The following CLEC18A variants were observed in gnomAD, a reference collection of about 807,000 sequenced individuals.
The protein encoded by CLEC18A is C-type lectin domain family 18 member A.
A neutral mutation model predicts 24.0 loss-of-function variants in CLEC18A; 5 were observed. That is an observed-to-expected ratio of 0.21 (90% CI 0.11 to 0.44). CLEC18A has a LOEUF of 0.44. Ranked by LOEUF, CLEC18A falls within the 20% of genes least tolerant of loss-of-function variation. The pLI is 0.99. For missense variants in CLEC18A, 83 were observed against 233.4 expected, an observed-to-expected ratio of 0.36 and a Z score of 4.20; for synonymous variants, 29 against 100.1, an observed-to-expected ratio of 0.29 and a Z score of 4.24.
At chr16:69,945,368 CG>C in the CLEC18A span, among the ~76,000 whole-genome samples, 3 of 151,940 alleles carry the variant, frequency 2.0e-5, no homozygotes, top group Non-Finnish European at 4.4e-5. Context: ...GTCCTTTTTC[CG>C]TATCTTATAG....
At position 69,955,742 on chromosome 16, in the gene CLEC18A, C is replaced by T. The variant is rs536822604; in HGVS notation, c.456+1169C>T. The stretch of plus-strand genomic sequence containing the variant: ...TAAAGCCCTGCTCCTCCCCTTTTCC[C>T]GCTGTCCCTCCCTGGAGGGAATCTT... On this transcript the variant is annotated intron_variant, in intron 3 of 11. Transcript: ENST00000288040. Among the ~76,000 whole-genome samples the T allele has an allele frequency of 1.4e-4, 17 of 119,716 alleles. No individual in the cohort carries two copies. In the East Asian group the frequency reaches 3.3e-3, roughly 23 times the overall value. 78.5% of individuals were successfully genotyped at this position (119,716 alleles called of 152,430 possible).
chr16:69,955,402 G>A (rs2059021295), intron 3 of CLEC18A, among the ~76,000 whole-genome samples: 2 of 150,798 alleles, frequency 1.3e-5, no homozygotes, highest in African/African-American at 4.9e-5. Flanking sequence ...CCAGGATGGA[G>A]TGCAATGGCT....
downstream of CLEC18A, among the ~76,000 whole-genome samples, chr16:69,966,531 C>T (rs1001995751): frequency 8.3e-5 from 12 of 144,466 alleles, no homozygotes; most frequent in South Asian, 2.3e-4. Flanking sequence ...GCCATGGCAA[C>T]GCCAGAATGT....
upstream of CLEC18A, among the ~76,000 whole-genome samples, chr16:69,946,135 A>G (rs1159778872): frequency 2.7e-5 from 2 of 74,150 alleles, no homozygotes; most frequent in Admixed American, 1.5e-4. Context: ...TTAGCTGGAC[A>G]TGGTGGCAGG....
downstream of CLEC18A, among the ~76,000 whole-genome samples, chr16:69,965,407 C>T (rs535552105): frequency 6.6e-6 from 1 of 151,174 alleles, no homozygotes; most frequent in East Asian, 1.9e-4. Flanking sequence ...CGCCCCTTGT[C>T]CGGGGCCACG....
At chr16:69,954,866 G>C (rs1232232518) in intron 3 of CLEC18A, among the ~76,000 whole-genome samples, 2 of 151,898 alleles carry the variant, frequency 1.3e-5, no homozygotes, top group Non-Finnish European at 2.9e-5. Flanking sequence ...CCTGGCTAAT[G>C]GCTTTATACT....
intron 3 of CLEC18A, among the ~76,000 whole-genome samples, chr16:69,955,278 C>T (rs1400467474): frequency 1.3e-5 from 2 of 152,092 alleles, no homozygotes; most frequent in Non-Finnish European, 1.5e-5. Context: ...GCTGGGATTA[C>T]AGGCGTGAGC....
At chr16:69,944,728 C>T in the CLEC18A span, among the ~76,000 whole-genome samples, 1 of 134,194 alleles carries the variant, frequency 7.5e-6, no homozygotes, top group Admixed American at 7.5e-5. Flanking sequence ...CCCGGCTACT[C>T]GGGAAGCTGA....
chr16:69,954,591 G>A lies in CLEC18A; in HGVS notation c.456+18G>A. Reference sequence around the variant, plus strand: ...ACACGCAGGTGAGTGTGCTGCAGGTGAGGCCAGTGTGCCAGCTCCCAGATA... The same window carrying A: ...ACACGCAGGTGAGTGTGCTGCAGGTAAGGCCAGTGTGCCAGCTCCCAGATA... On this transcript the variant is annotated intron_variant, in intron 3 of 11. Transcript: ENST00000288040. 6.2e-7 allele frequency: 1 copy of A among 1,608,868 alleles called. No homozygotes were observed. Among genetic ancestry groups the A allele is most frequent in the Admixed American group, 1.7e-5 (1 of 59,798 alleles).
At chr16:69,966,302 A>G (rs1233709275), downstream of CLEC18A, among the ~76,000 whole-genome samples, 1 of 148,856 alleles carries the variant, frequency 6.7e-6, no homozygotes, top group Non-Finnish European at 1.5e-5. Flanking sequence ...GAACCAGAGC[A>G]ACTCCATCTT....
At position 69,954,468 on chromosome 16, in the gene CLEC18A, G is replaced by A; in HGVS notation, c.351G>A (p.Leu117=). Residue 117 remains leucine, a synonymous_variant, in exon 3 of 12, where the codon TTG becomes TTA. Transcript: ENST00000288040. ...ACATGCAGCTGCTACCCGCGGGCTT[G>A]GTGTCCTTTGTCGAAGTGGTCAGCC... is the stretch of plus-strand genomic sequence containing the variant. ...GWNMQLLPAG[L]VSFVEVVSLW... The A allele has an allele frequency of 6.2e-7, 1 of 1,603,670 alleles. No individual in the cohort carries two copies. The highest frequency in any genetic ancestry group is 8.5e-7 in the Non-Finnish European group (1 of 1,173,254).
At chr16:69,965,987 A>C (rs1959379035), downstream of CLEC18A, among the ~76,000 whole-genome samples, 1 of 63,896 alleles carries the variant, frequency 1.6e-5, no homozygotes, top group Non-Finnish European at 2.6e-5. Context: ...CCATGACATC[A>C]AAAGGCCTTG....
chr16:69,964,769 C>T (rs1959312433), downstream of CLEC18A, among the ~76,000 whole-genome samples: 2 of 151,592 alleles, frequency 1.3e-5, no homozygotes, highest in South Asian at 2.1e-4. Context: ...TCCCAAAGTG[C>T]TGGGATGACA....
At chr16:69,956,089 A>T (rs1278765631) in intron 3 of CLEC18A, among the ~76,000 whole-genome samples, 1 of 151,782 alleles carries the variant, frequency 6.6e-6, no homozygotes, top group Non-Finnish European at 1.5e-5. Context: ...CTACAAAAAA[A>T]TACATAAATT....
intron 2 of CLEC18A, chr16:69,953,713 G>A (rs1567458710): frequency 6.5e-6 from 1 of 153,724 alleles, no homozygotes; most frequent in African/African-American, 2.4e-5. Flanking sequence ...TGCTTGGGAG[G>A]CTGAGGCAGG....
chr16:69,955,201 C>T (rs1404318669), intron 3 of CLEC18A, among the ~76,000 whole-genome samples: 1 of 151,804 alleles, frequency 6.6e-6, no homozygotes, highest in Non-Finnish European at 1.5e-5. Context: ...CAGGGTTTCA[C>T]CATGTTGGTC....
At chr16:69,956,024 T>A (rs1328245525) in intron 3 of CLEC18A, among the ~76,000 whole-genome samples, 1 of 152,058 alleles carries the variant, frequency 6.6e-6, no homozygotes, top group Non-Finnish European at 1.5e-5. Context: ...GGTGGCAGGA[T>A]TGCCTGAGCC....
the CLEC18A span, among the ~76,000 whole-genome samples, chr16:69,944,152 C>T: frequency 2.2e-5 from 3 of 133,818 alleles, no homozygotes; most frequent in South Asian, 2.3e-4. Flanking sequence ...AAAAATTAGC[C>T]GGGTGTGGTA....
intron 3 of CLEC18A, among the ~76,000 whole-genome samples, chr16:69,955,829 G>A (rs593120): frequency 4.6e-5 from 7 of 151,546 alleles, no homozygotes; most frequent in East Asian, 1.9e-4. Flanking sequence ...TTCATTCAAC[G>A]AATATTTGTT....
Sources: gnomAD v4.1 joint callset for allele counts (sites outside exome capture counted in the v4.1 genomes callset) on GRCh38, gnomAD v4.1.1 for gene constraint, MANE v1.5 for transcripts, NCBI Gene and HGNC (gene_info 2026-07-23, HGNC 2026-07-21) for gene names.